ARRDC5: variants seen among roughly 807,000 people sequenced by gnomAD.
ARRDC5 encodes arrestin domain containing 5, also known as arrestin domain-containing protein 5.
Under a neutral mutation model 13.3 loss-of-function variants are expected in ARRDC5, and 12 were observed. The observed-to-expected ratio is 0.90, with a 90% CI of 0.58 to 1.46. ARRDC5 has a LOEUF of 1.46. ARRDC5 is among the 40% of genes most tolerant of loss of function. The pLI is 0.00. For missense variants in ARRDC5, 406 were observed against 418.7 expected (o/e 0.97, Z 0.26); for synonymous variants, 181 against 173.4 (o/e 1.04, Z -0.34).
intron 2 of ARRDC5, among the ~76,000 whole-genome samples, chr19:4,896,357 TTTTTACAC>T (rs1185426688): frequency 2.2e-3 from 214 of 96,012 alleles, no homozygotes; most frequent in African/African-American, 4.3e-3. Context: ...TATTTTTTTT[TTTTTACAC>T]ACACACACAC....
At chr19:4,892,742 T>C (rs988857067) in intron 2 of ARRDC5, among the ~76,000 whole-genome samples, 2 of 152,174 alleles carry the variant, frequency 1.3e-5, no homozygotes, top group African/African-American at 4.8e-5. Flanking sequence ...TGTTCTGTTC[T>C]TTTATCTTAA....
Position 4,891,561 on chromosome 19 carries a change from C to A in ARRDC5, c.472G>T (p.Val158Leu), listed in dbSNP as rs370333163. 2 of 1,611,776 alleles carry A rather than the reference C, an allele frequency of 1.2e-6. No individual in the cohort carries two copies. The highest frequency in any genetic ancestry group is 1.7e-6 in the Non-Finnish European group (2 of 1,178,884). ...KETPFQNPLF[V>L]EAEEKVSYNC... is the part of the protein sequence containing the mutation. ...TAGGAGACTTTCTCCTCAGCCTCCA[C>A]GAACAAGGGGTTCTAGGAGGATGTG... Residue 158 changes from valine (V) to leucine (L), a missense_variant, in exon 3 of 3, where the codon GTG becomes TTG. Val to Leu is a conservative substitution (Grantham distance 32). Coordinates refer to ENST00000650722, the MANE Select transcript of ARRDC5 (RefSeq NM_001080523.3).
At chr19:4,891,968 A>AAAC (rs1555740044) in intron 2 of ARRDC5, among the ~76,000 whole-genome samples, 14 of 150,576 alleles carry the variant, frequency 9.3e-5, no homozygotes, top group Non-Finnish European at 1.9e-4. Context: ...AAAAAAAAAA[A>AAAC]GTCTCTGGGG....
chr19:4,891,097 G>C lies in ARRDC5; in HGVS notation c.936C>G (p.Cys312Trp), dbSNP rs367940039. 9.9e-6 allele frequency: 16 copies of C among 1,613,732 alleles called. No individual in the cohort carries two copies. The highest frequency in any genetic ancestry group is 1.4e-5 in the Non-Finnish European group (16 of 1,179,792). Residue 312 changes from cysteine (C) to tryptophan (W), a missense_variant, in exon 3 of 3, where the codon TGC becomes TGG. Coordinates refer to ENST00000650722, the MANE Select transcript of ARRDC5 (RefSeq NM_001080523.3). ...GTAACACTCCGTCCTCTGACAGCTG[G>C]CAGATGGCAGAGTCCACTGAGGCGC... ...ITSASVDSAICQLSEDGVLPV... is the reference protein window; with the variant it reads ...ITSASVDSAIWQLSEDGVLPV...
intron 2 of ARRDC5, among the ~76,000 whole-genome samples, chr19:4,893,253 C>T (rs2031578043): frequency 7.0e-6 from 1 of 143,416 alleles, no homozygotes; most frequent in Admixed American, 7.4e-5. Flanking sequence ...CACCTGTAAT[C>T]CCAGCACTTT....
Position 4,890,869 on chromosome 19 carries a change from G to T in ARRDC5, c.*177C>A. ...TCCCGGTTTCCTTTGTCCATTCCAGGCATTCAGTGATAGTTCTAGGGAGGG... is the reference window on the plus strand; with the variant it reads ...TCCCGGTTTCCTTTGTCCATTCCAGTCATTCAGTGATAGTTCTAGGGAGGG... On this transcript the variant is annotated 3_prime_UTR_variant, in exon 3 of 3. Coordinates refer to ENST00000650722, the MANE Select transcript of ARRDC5 (RefSeq NM_001080523.3). 1.7e-6 allele frequency: 1 copy of T among 597,042 alleles called. No homozygotes were observed. The highest frequency in any genetic ancestry group is 2.1e-5 in the South Asian group (1 of 46,874). The allele number at this position is 597,042 out of a possible 1,614,324, so 37.0% of individuals were successfully genotyped here.
In ARRDC5 at chr19:4,894,127, A is replaced by G. The variant is rs554899933; in HGVS notation, c.459+2544T>C. ...TGCGGTGGCTCACGCCTGTAATCCC[A>G]GCACTTTGGGAGGCTGATGCGGGTG... On this transcript the variant is annotated intron_variant, in intron 2 of 2. Transcript: ENST00000650722. Among the ~76,000 whole-genome samples the G allele has an allele frequency of 2.4e-3, 369 of 151,652 alleles. 2 individuals carry two copies. The highest frequency in any genetic ancestry group is 8.7e-3 in the African/African-American group (358 of 41,336).
Position 4,893,128 on chromosome 19 carries a change from T to C in ARRDC5, c.460-1555A>G, listed in dbSNP as rs933014998. Among the ~76,000 whole-genome samples, 6 of 140,718 alleles carry C rather than the reference T, an allele frequency of 4.3e-5. No homozygotes were observed. In the East Asian group the frequency reaches 1.2e-3, roughly 28 times the overall value. 92.3% of individuals were successfully genotyped at this position (140,718 alleles called of 152,430 possible). ...AAAATAAATATATATATTATAATAA[T>C]ATAATATATATTATATTATTAGAAT... On this transcript the variant is annotated intron_variant, in intron 2 of 2. Transcript: ENST00000650722.
At chr19:4,909,338 G>A in the ARRDC5 span, 1 of 584,176 alleles carries the variant, frequency 1.7e-6, no homozygotes, top group Non-Finnish European at 3.0e-6. Flanking sequence ...CGGAGCCGTG[G>A]CCCACTAGGC....
intron 2 of ARRDC5, among the ~76,000 whole-genome samples, chr19:4,893,172 T>TA (rs1191575736): frequency 7.1e-6 from 1 of 141,456 alleles, no homozygotes; most frequent in Non-Finnish European, 1.5e-5. Context: ...TATATTATTA[T>TA]ATATAATATA....
the ARRDC5 span, among the ~76,000 whole-genome samples, chr19:4,911,604 T>A: frequency 6.6e-6 from 1 of 152,166 alleles, no homozygotes; most frequent in Non-Finnish European, 1.5e-5. Context: ...CTGGGGCGTG[T>A]GGTCCCCGAG....
the ARRDC5 span, among the ~76,000 whole-genome samples, chr19:4,912,701 C>T: frequency 6.6e-6 from 1 of 152,140 alleles, no homozygotes; most frequent in Non-Finnish European, 1.5e-5. Flanking sequence ...CTTATTACTG[C>T]AGCACACCGT....
intron 2 of ARRDC5, among the ~76,000 whole-genome samples, chr19:4,894,228 T>C (rs1452139629): frequency 7.7e-6 from 1 of 129,210 alleles, no homozygotes; most frequent in Non-Finnish European, 1.6e-5. Context: ...ATACAAAAAA[T>C]TGGCCGGGCG....
chr19:4,891,115 T>C lies in ARRDC5; in HGVS notation c.918A>G (p.Ser306=), dbSNP rs762147753. ...AKVPIIITSA[S]VDSAICQLSE... ...ACAGCTGGCAGATGGCAGAGTCCAC[T>C]GAGGCGCTGGTGATGATGATGGGAA... Residue 306 remains serine, a synonymous_variant, in exon 3 of 3, where the codon TCA becomes TCG. Coordinates refer to ENST00000650722, the MANE Select transcript of ARRDC5 (RefSeq NM_001080523.3). The C allele has an allele frequency of 1.9e-6, 3 of 1,613,872 alleles. No individual in the cohort carries two copies. Among genetic ancestry groups the C allele is most frequent in the Non-Finnish European group, 2.5e-6 (3 of 1,179,778 alleles).
At chr19:4,906,903 C>T (rs1383254123), upstream of ARRDC5, among the ~76,000 whole-genome samples, 5 of 152,300 alleles carry the variant, frequency 3.3e-5, no homozygotes, top group African/African-American at 9.6e-5. Context: ...GAGCTCAAGC[C>T]GTCTCACACC....
At position 4,896,360 on chromosome 19, in the gene ARRDC5, TTACACACACACACAC is replaced by T. The variant is rs1288594770; in HGVS notation, c.459+296_459+310del. Among the ~76,000 whole-genome samples, 4 of 70,290 alleles carry T rather than the reference TTACACACACACACAC, an allele frequency of 5.7e-5. No homozygotes were observed. The East Asian group carries it at 2.1e-3, about 36-fold the overall frequency. The allele number at this position is 70,290 out of a possible 152,430, so 46.1% of individuals were successfully genotyped here. On this transcript the variant is annotated intron_variant, in intron 2 of 2. Transcript: ENST00000650722. The stretch of plus-strand genomic sequence containing the variant: ...TATATATATATATATTTTTTTTTTT[TTACACACACACACAC>T]ACACACACACACACACACACACACA...
upstream of ARRDC5, among the ~76,000 whole-genome samples, chr19:4,905,070 C>T (rs900469650): frequency 2.6e-5 from 4 of 151,232 alleles, no homozygotes; most frequent in Middle Eastern, 3.5e-3. Context: ...ACATTTGGCC[C>T]AGGATGGAAT....
At chr19:4,915,705 G>A in the ARRDC5 span, among the ~76,000 whole-genome samples, 1 of 151,482 alleles carries the variant, frequency 6.6e-6, no homozygotes, top group African/African-American at 2.4e-5. Flanking sequence ...GCAAGACTCC[G>A]TCTCAAAAAA....
intron 1 of ARRDC5, among the ~76,000 whole-genome samples, chr19:4,897,483 T>A (rs908201418): frequency 6.6e-6 from 1 of 152,160 alleles, no homozygotes; most frequent in Non-Finnish European, 1.5e-5. Context: ...CCTGAGAAAG[T>A]GGAAGTCAGG....
Sources: allele counts gnomAD v4.1 joint callset (sites outside exome capture counted in the v4.1 genomes callset), GRCh38; gene constraint gnomAD v4.1.1; transcripts MANE v1.5; gene names NCBI Gene and HGNC (gene_info 2026-07-23, HGNC 2026-07-21).